HMGA2: variants seen among roughly 807,000 people sequenced by gnomAD.
HMGA2 encodes the protein high mobility group AT-hook 2, also known as high mobility group protein HMGI-C.
In HMGA2, 8 loss-of-function variants were observed where a neutral mutation model predicts 19.1. The observed-to-expected ratio is 0.42, with a 90% confidence interval of 0.25 to 0.76. The LOEUF is 0.76. HMGA2 is among the 30% of genes least tolerant of loss of function. The probability of loss-of-function intolerance (pLI) is 0.28; values close to 1 mark genes in which losing one functional copy is unlikely to be tolerated. For synonymous variants in HMGA2, 60 were observed against 48.8 expected (o/e 1.23, Z -0.96); for missense variants, 109 against 136.3 (o/e 0.80, Z 1.00).
At chr12:65,895,194 C>T (rs1352183882) in intron 3 of HMGA2, among the ~76,000 whole-genome samples, 1 of 152,124 alleles carries the variant, frequency 6.6e-6, no homozygotes, top group Admixed American at 6.5e-5. Context: ...ACTAGAATTA[C>T]ATGATTATTG....
chr12:65,895,903 A>G (rs1874108445), intron 3 of HMGA2, among the ~76,000 whole-genome samples: 1 of 152,130 alleles, frequency 6.6e-6, no homozygotes, highest in Non-Finnish European at 1.5e-5. Context: ...GCTAAATCTC[A>G]GTTTATTCTG....
chr12:65,889,563 T>C (rs765169013), intron 3 of HMGA2, among the ~76,000 whole-genome samples: 42 of 152,114 alleles, frequency 2.8e-4, no homozygotes, highest in Non-Finnish European at 6.0e-4. Flanking sequence ...CAACAAGGAA[T>C]AGGATAGAAT....
chr12:65,850,636 G>A (rs762389226), intron 3 of HMGA2, among the ~76,000 whole-genome samples: 2 of 151,894 alleles, frequency 1.3e-5, no homozygotes, highest in Non-Finnish European at 2.9e-5. Flanking sequence ...ATTTAGAGAA[G>A]CTGACATTTT....
chr12:65,943,588 T>A (rs1876163449), intron 3 of HMGA2, among the ~76,000 whole-genome samples: 3 of 152,186 alleles, frequency 2.0e-5, no homozygotes, highest in Admixed American at 2.0e-4. Context: ...TGCATTAAAG[T>A]CTAAGCGCAA....
At chr12:65,846,856 G>T (rs1195427781) in intron 3 of HMGA2, among the ~76,000 whole-genome samples, 3 of 152,112 alleles carry the variant, frequency 2.0e-5, no homozygotes, top group African/African-American at 7.2e-5. Context: ...ATAGTCTGGG[G>T]AGCTCTAAAG....
At chr12:65,856,956 A>G (rs1871775786) in intron 3 of HMGA2, 1 of 152,234 alleles carries the variant, frequency 6.6e-6, no homozygotes, top group Non-Finnish European at 1.5e-5. Flanking sequence ...ATAAAGTCAC[A>G]TTCATAGAGA....
chr12:65,938,934 C>T (rs1184444445), intron 3 of HMGA2, among the ~76,000 whole-genome samples: 1 of 152,150 alleles, frequency 6.6e-6, no homozygotes, highest in East Asian at 1.9e-4. Context: ...AAGCAAGTCA[C>T]TGGGCCCCCC....
intron 3 of HMGA2, among the ~76,000 whole-genome samples, chr12:65,892,625 G>A (rs930407604): frequency 2.0e-5 from 3 of 152,206 alleles, no homozygotes; most frequent in African/African-American, 4.8e-5. Context: ...TGACCAAAGC[G>A]AGGGGACCCT....
intron 3 of HMGA2, among the ~76,000 whole-genome samples, chr12:65,846,015 A>G (rs1334604601): frequency 6.6e-6 from 1 of 152,210 alleles, no homozygotes; most frequent in Admixed American, 6.5e-5. Flanking sequence ...GGTCAGGAAC[A>G]GGGGGTCAGC....
chr12:65,842,204 C>A (rs999699030), intron 3 of HMGA2: 2 of 839,498 alleles, frequency 2.4e-6, no homozygotes, highest in African/African-American at 1.8e-5. Flanking sequence ...TAACTGGAGT[C>A]TTAAGAAAAT....
At chr12:65,837,310 G>C (rs1870775447) in intron 2 of HMGA2, among the ~76,000 whole-genome samples, 1 of 152,142 alleles carries the variant, frequency 6.6e-6, no homozygotes, top group African/African-American at 2.4e-5. Flanking sequence ...TCATCTACCT[G>C]TCTGTCTATC....
intron 3 of HMGA2, among the ~76,000 whole-genome samples, chr12:65,885,551 T>C (rs1231337490): frequency 6.6e-6 from 1 of 152,200 alleles, no homozygotes; most frequent in African/African-American, 2.4e-5. Flanking sequence ...ATTTGCTTAT[T>C]TTCTTGTGCA....
chr12:65,942,067 TAAC>T (rs1364828872), intron 3 of HMGA2, among the ~76,000 whole-genome samples: 2 of 152,216 alleles, frequency 1.3e-5, no homozygotes, highest in East Asian at 3.8e-4. Context: ...ATTGGAGTAT[TAAC>T]AACAAATTTG....
At chr12:65,848,972 C>T (rs537820365) in intron 3 of HMGA2, among the ~76,000 whole-genome samples, 1 of 152,184 alleles carries the variant, frequency 6.6e-6, no homozygotes, top group Non-Finnish European at 1.5e-5. Flanking sequence ...GCAGGAAGCA[C>T]TAAATCCCAA....
intron 3 of HMGA2, among the ~76,000 whole-genome samples, chr12:65,849,839 C>T (rs531839954): frequency 5.5e-4 from 82 of 150,012 alleles, no homozygotes; most frequent in African/African-American, 1.9e-3. Flanking sequence ...AAGCCACAGC[C>T]TCTCGAGTAG....
chr12:65,916,280 A>G (rs769015889), intron 3 of HMGA2, among the ~76,000 whole-genome samples: 1 of 152,214 alleles, frequency 6.6e-6, no homozygotes, highest in Non-Finnish European at 1.5e-5. Context: ...ATACTTTAAT[A>G]TAAAAAAGTG....
chr12:65,909,287 A>G (rs2121204162), intron 3 of HMGA2, among the ~76,000 whole-genome samples: 1 of 152,242 alleles, frequency 6.6e-6, no homozygotes, highest in East Asian at 1.9e-4. Context: ...CCCATTTAAT[A>G]TAAATTATAT....
intron 3 of HMGA2, among the ~76,000 whole-genome samples, chr12:65,882,584 G>T (rs577614988): frequency 6.6e-6 from 1 of 152,170 alleles, no homozygotes; most frequent in Admixed American, 6.5e-5. Flanking sequence ...GGTTTTAATC[G>T]CTCAGCTCTT....
At chr12:65,874,227 T>C (rs1004714586) in intron 3 of HMGA2, 74 of 150,850 alleles carry the variant, frequency 4.9e-4, no homozygotes, top group African/African-American at 1.5e-3. Context: ...TTTATAAACT[T>C]AAAATGTAAA....
Sources: gnomAD v4.1 joint callset for allele counts (sites outside exome capture counted in the v4.1 genomes callset) on GRCh38, gnomAD v4.1.1 for gene constraint, MANE v1.5 for transcripts, NCBI Gene and HGNC (gene_info 2026-07-23, HGNC 2026-07-21) for gene names.